Variants in MAP2 observed in about 807,000 individuals in gnomAD.
The protein encoded by MAP2 is microtubule associated protein 2.
MAP2 carries 14 observed loss-of-function variants against 137.6 expected under a neutral mutation model. The ratio of observed to expected loss-of-function variants is 0.10; its 90% CI spans 0.07 to 0.16. The LOEUF (loss-of-function observed/expected upper bound fraction) is 0.16, where lower values mean the gene tolerates loss of function less well. Ranked by LOEUF, MAP2 falls within the 10% of genes least tolerant of loss-of-function variation. The pLI is 1.00. For synonymous variants in MAP2, 786 were observed against 782.3 expected (o/e 1.00, Z -0.08); for missense variants, 2,088 against 2,191.5 (o/e 0.95, Z 0.94).
chr2:209,432,814 T>C (rs1694676211), intron 1 of MAP2, among the ~76,000 whole-genome samples: 1 of 152,130 alleles, frequency 6.6e-6, no homozygotes, highest in Non-Finnish European at 1.5e-5. Context: ...ACCACCTGGA[T>C]TGTATATCAA....
intron 1 of MAP2, among the ~76,000 whole-genome samples, chr2:209,448,028 G>C (rs1302217940): frequency 6.6e-6 from 1 of 152,012 alleles, no homozygotes; most frequent in Non-Finnish European, 1.5e-5. Context: ...AAGCTGTCTG[G>C]TGATTCAGAT....
intron 7 of MAP2, 23 bp from the exon 8 acceptor site, chr2:209,692,602 A>G: frequency 6.5e-7 from 1 of 1,530,836 alleles, no homozygotes; most frequent in Non-Finnish European, 8.7e-7. Context: ...TTATTTGTTT[A>G]AAAATCAACC....
At chr2:209,514,593 A>T (rs1427757548) in intron 2 of MAP2, among the ~76,000 whole-genome samples, 2 of 152,180 alleles carry the variant, frequency 1.3e-5, no homozygotes, top group Non-Finnish European at 2.9e-5. Context: ...GTCATTAAAA[A>T]GTATTATAAC....
At chr2:209,670,762 G>A (rs1211953998) in intron 5 of MAP2, among the ~76,000 whole-genome samples, 3 of 151,938 alleles carry the variant, frequency 2.0e-5, no homozygotes, top group African/African-American at 7.2e-5. Flanking sequence ...CGTTTCAGAA[G>A]AGGACCATAT....
chr2:209,462,601 TAGG>T (rs1470411580), intron 1 of MAP2, among the ~76,000 whole-genome samples: 1 of 152,114 alleles, frequency 6.6e-6, no homozygotes, highest in Non-Finnish European at 1.5e-5. Context: ...ACTGACCAAT[TAGG>T]AGACCGCACC....
At chr2:209,497,711 A>G (rs1022928673) in intron 1 of MAP2, among the ~76,000 whole-genome samples, 3 of 152,120 alleles carry the variant, frequency 2.0e-5, no homozygotes, top group African/African-American at 7.2e-5. Flanking sequence ...AATGGAGAGA[A>G]CAAGAGAGAA....
At chr2:209,611,464 GA>G (rs929128014) in intron 3 of MAP2, among the ~76,000 whole-genome samples, 2 of 151,612 alleles carry the variant, frequency 1.3e-5, no homozygotes, top group Non-Finnish European at 2.9e-5. Flanking sequence ...AATGCACACT[GA>G]AAAAATATAT....
intron 1 of MAP2, among the ~76,000 whole-genome samples, chr2:209,498,407 A>T (rs1037698892): frequency 1.2e-4 from 19 of 152,156 alleles, no homozygotes; most frequent in Admixed American, 1.1e-3. Context: ...CAGGTGCAGG[A>T]TACAAGCTGC....
intron 5 of MAP2, among the ~76,000 whole-genome samples, chr2:209,664,552 CA>C (rs1295812576): frequency 6.7e-6 from 1 of 149,748 alleles, no homozygotes; most frequent in Non-Finnish European, 1.5e-5. Flanking sequence ...CTGTCTCAAA[CA>C]AAAAAACAAA....
chr2:209,454,149 CAAAAAAAAAAAAA>C (rs869200843), intron 1 of MAP2, among the ~76,000 whole-genome samples: 1 of 61,130 alleles, frequency 1.6e-5, no homozygotes, highest in Non-Finnish European at 3.1e-5. Context: ...GACTCTGTCT[CAAAAAAAAAAAAA>C]AAAAAAAAAA....
chr2:209,497,335 G>A (rs918928406), intron 1 of MAP2, among the ~76,000 whole-genome samples: 12 of 152,154 alleles, frequency 7.9e-5, no homozygotes, highest in Non-Finnish European at 1.6e-4. Context: ...GCCATGTGAG[G>A]ATATAGTGAG....
chr2:209,702,336 T>C (rs1297905531), intron 11 of MAP2, among the ~76,000 whole-genome samples: 1 of 152,002 alleles, frequency 6.6e-6, no homozygotes, highest in Non-Finnish European at 1.5e-5. Flanking sequence ...TTTTCTCATT[T>C]ATTAGTCTTT....
chr2:209,699,730 G>A (rs1019424124), intron 10 of MAP2, among the ~76,000 whole-genome samples: 2 of 152,092 alleles, frequency 1.3e-5, no homozygotes, highest in African/African-American at 4.8e-5. Context: ...CATCAAACAA[G>A]TATGTCATTC....
chr2:209,494,857 G>A (rs1009373658), intron 1 of MAP2, among the ~76,000 whole-genome samples: 1 of 152,170 alleles, frequency 6.6e-6, no homozygotes, highest in African/African-American at 2.4e-5. Context: ...TTTCTTCAAA[G>A]CATGTTTTCC....
intron 1 of MAP2, among the ~76,000 whole-genome samples, chr2:209,467,078 A>C (rs1704316043): frequency 6.6e-6 from 1 of 152,206 alleles, no homozygotes; most frequent in Non-Finnish European, 1.5e-5. Flanking sequence ...CTTCATGCCC[A>C]TGCAGCCACC....
At chr2:209,624,154 A>G (rs982649035) in intron 3 of MAP2, among the ~76,000 whole-genome samples, 1 of 152,158 alleles carries the variant, frequency 6.6e-6, no homozygotes, top group South Asian at 2.1e-4. Context: ...GTCTTAAAGA[A>G]GAGTTAATAG....
intron 1 of MAP2, among the ~76,000 whole-genome samples, chr2:209,464,917 C>G (rs1311420696): frequency 6.6e-6 from 1 of 152,022 alleles, no homozygotes; most frequent in Non-Finnish European, 1.5e-5. Context: ...TATATGTATA[C>G]TCACACATCC....
At chr2:209,615,339 C>T (rs1312703825) in intron 3 of MAP2, among the ~76,000 whole-genome samples, 1 of 152,134 alleles carries the variant, frequency 6.6e-6, no homozygotes, top group Non-Finnish European at 1.5e-5. Context: ...CAAAGACAAC[C>T]TCATGTCTTA....
At chr2:209,558,962 G>A (rs372040967) in intron 2 of MAP2, among the ~76,000 whole-genome samples, 1 of 152,050 alleles carries the variant, frequency 6.6e-6, no homozygotes, top group Non-Finnish European at 1.5e-5. Flanking sequence ...CTCTGCCTCT[G>A]TAATGAAGAA....
Sources: gnomAD v4.1 joint callset for allele counts (sites outside exome capture counted in the v4.1 genomes callset) on GRCh38, gnomAD v4.1.1 for gene constraint, MANE v1.5 for transcripts, NCBI Gene and HGNC (gene_info 2026-07-23, HGNC 2026-07-21) for gene names.